Variants in LAYN observed in about 807,000 individuals in gnomAD.
LAYN encodes the protein layilin.
In LAYN, 38 loss-of-function variants were observed where a neutral mutation model predicts 43.6. The observed-to-expected ratio is 0.87, with a 90% CI of 0.67 to 1.14. The LOEUF (loss-of-function observed/expected upper bound fraction) is 1.14, where lower values mean the gene tolerates loss of function less well. LAYN is among the 50% of genes most tolerant of loss of function. The probability of loss-of-function intolerance (pLI) is 0.00; values close to 1 mark genes in which losing one functional copy is unlikely to be tolerated. For synonymous variants in LAYN, 168 were observed against 172.9 expected, an observed-to-expected ratio of 0.97 and a Z score of 0.22; for missense variants, 479 against 463.8, an observed-to-expected ratio of 1.03 and a Z score of -0.30.
At chr11:111,540,465 C>T (rs931576111), upstream of LAYN, 30 of 306,442 alleles carry the variant, frequency 9.8e-5, no homozygotes, top group Admixed American at 5.6e-5. Flanking sequence ...ATCAGATTGC[C>T]TAGGGGCCCG....
chr11:111,541,244 C>T (rs1178108409), intron 1 of LAYN: 1 of 590,914 alleles, frequency 1.7e-6, no homozygotes, highest in Non-Finnish European at 3.0e-6. Flanking sequence ...CAGTGGGTGC[C>T]CCTTCGGCCC....
chr11:111,540,984 G>T (rs1867525378), intron 1 of LAYN, 56 bp downstream of exon 1: 2 of 1,475,746 alleles, frequency 1.4e-6, no homozygotes, highest in Admixed American at 2.0e-5. Context: ...CTGCACCCCA[G>T]CTGCTGCTGA....
intron 2 of LAYN, among the ~76,000 whole-genome samples, chr11:111,545,055 A>AATATATATATATATATAT (rs36063658): frequency 1.2e-5 from 1 of 82,466 alleles, no homozygotes; most frequent in African/African-American, 3.2e-5. Context: ...AAATTTAACA[A>AATATATATATATATATAT]ATATATATAT....
At chr11:111,556,490 C>T (rs572471975) in intron 5 of LAYN, among the ~76,000 whole-genome samples, 1 of 152,184 alleles carries the variant, frequency 6.6e-6, no homozygotes, top group African/African-American at 2.4e-5. Flanking sequence ...CTTATAAACC[C>T]TCTTATGGTC....
intron 1 of LAYN, among the ~76,000 whole-genome samples, chr11:111,543,209 G>A (rs1867579894): frequency 1.3e-5 from 2 of 152,146 alleles, no homozygotes; most frequent in African/African-American, 2.4e-5. Flanking sequence ...ACTTCCCTGA[G>A]CTCCAGTTTT....
chr11:111,558,498 G>T (rs943551476), intron 6 of LAYN, among the ~76,000 whole-genome samples: 1 of 151,972 alleles, frequency 6.6e-6, no homozygotes, highest in Non-Finnish European at 1.5e-5. Flanking sequence ...CTATTATTGG[G>T]ATTATTTTAT....
At chr11:111,540,982 CA>C (rs1867525322) in intron 1 of LAYN, 54 bp downstream of exon 1, 2 of 1,477,372 alleles carry the variant, frequency 1.4e-6, no homozygotes, top group Admixed American at 2.0e-5. Flanking sequence ...CACTGCACCC[CA>C]GCTGCTGCTG....
intron 2 of LAYN, among the ~76,000 whole-genome samples, chr11:111,547,027 G>T (rs1220763779): frequency 6.6e-6 from 1 of 152,158 alleles, no homozygotes; most frequent in African/African-American, 2.4e-5. Context: ...CCACTTCAGA[G>T]TTCTTTTCTG....
At chr11:111,551,796 G>C (rs1289037097) in intron 3 of LAYN, among the ~76,000 whole-genome samples, 2 of 152,078 alleles carry the variant, frequency 1.3e-5, no homozygotes, top group Non-Finnish European at 2.9e-5. Flanking sequence ...TCCTATAAAT[G>C]GCATTATTAG....
chr11:111,540,897 G>A lies in LAYN; in HGVS notation c.54G>A (p.Gly18=), dbSNP rs1184719147. 1.8e-5 allele frequency: 28 copies of A among 1,532,286 alleles called. No homozygotes were observed. Among genetic ancestry groups the A allele is most frequent in the Admixed American group, 3.9e-5 (2 of 50,870 alleles). 94.9% of individuals were successfully genotyped at this position (1,532,286 alleles called of 1,614,324 possible). The change falls in exon 1 of 7, where the codon GGG becomes GGA. Residue 18 remains glycine, a synonymous_variant. Coordinates refer to ENST00000375614, the MANE Select transcript of LAYN (RefSeq NM_178834.5). ...QAVLLAVLLV[G]LRAATGRLLS... ...TGCTGCTGGCCGTGCTGCTGGTGGGGCTGCGGGCCGCGACGGGTCGCCTGC... is the reference window on the plus strand; with the variant it reads ...TGCTGCTGGCCGTGCTGCTGGTGGGACTGCGGGCCGCGACGGGTCGCCTGC...
At chr11:111,548,087 A>G (rs1867678102) in intron 2 of LAYN, among the ~76,000 whole-genome samples, 1 of 152,178 alleles carries the variant, frequency 6.6e-6, no homozygotes, top group Non-Finnish European at 1.5e-5. Context: ...CCAGACCTCT[A>G]CTTAATACCT....
rs1300409798 is a variant in LAYN, at chr11:111,560,334, G to A, written c.1001G>A (p.Gly334Glu). The change falls in exon 7 of 7, where the codon GGG becomes GAG. Residue 334 changes from glycine to glutamate, a missense_variant. Physicochemically the swap from Gly to Glu is moderately conservative, Grantham distance 98 (BLOSUM62 -2). Coordinates refer to ENST00000375614, the MANE Select transcript of LAYN (RefSeq NM_178834.5). ...ATGGCTGTGAACCCATCAGAAAGTG[G>A]GTTTGTGACTCTGGTGAGCGTGGAG... ...DNMAVNPSES[G>E]FVTLVSVESG... 2.5e-6 allele frequency: 4 copies of A among 1,614,082 alleles called. No individual in the cohort carries two copies. In the East Asian group the frequency reaches 8.9e-5, roughly 36 times the overall value.
intron 3 of LAYN, chr11:111,551,246 C>A: frequency 2.3e-6 from 1 of 435,808 alleles, no homozygotes; most frequent in Non-Finnish European, 4.6e-6. Flanking sequence ...ACCATGCTGA[C>A]GTGGGATGGG....
rs773532897 is a variant in LAYN at position 111,543,998 on chromosome 11, T to G, written c.161T>G (p.Leu54Arg). ...TACTTCCATGATACTTCTCGAAGAC[T>G]GAACTTTGAGGAAGCCAAAGAAGCC... is the stretch of plus-strand genomic sequence containing the variant. Reference protein sequence around the residue: ...VIYFHDTSRRLNFEEAKEACR... With the variant: ...VIYFHDTSRRRNFEEAKEACR... Residue 54 changes from leucine to arginine, a missense_variant, in exon 2 of 7, where the codon CTG (leucine) becomes CGG (arginine). By Grantham distance (102) the Leu-to-Arg change is moderately radical. Coordinates refer to ENST00000375614, the MANE Select transcript of LAYN (RefSeq NM_178834.5). 1.4e-5 allele frequency: 23 copies of G among 1,614,088 alleles called. No homozygotes were observed. The South Asian group carries it at 2.2e-4, about 15-fold the overall frequency.
At chr11:111,545,036 AC>A (rs916954675) in intron 2 of LAYN, among the ~76,000 whole-genome samples, 41 of 145,190 alleles carry the variant, frequency 2.8e-4, no homozygotes, top group South Asian at 4.3e-4. Flanking sequence ...CCTACTATGT[AC>A]CCCCCCAAAA....
At chr11:111,552,058 G>A (rs552774758) in intron 3 of LAYN, among the ~76,000 whole-genome samples, 10 of 151,960 alleles carry the variant, frequency 6.6e-5, no homozygotes, top group East Asian at 5.8e-4. Context: ...ACACATAAAC[G>A]TGTGTATGTG....
chr11:111,557,427 AT>A, intron 5 of LAYN, 113 bp from the exon 6 acceptor site: 1 of 791,732 alleles, frequency 1.3e-6, no homozygotes, highest in South Asian at 1.6e-5. Flanking sequence ...ATTTTAATAG[AT>A]TTGGGGGTAC....
intron 2 of LAYN, among the ~76,000 whole-genome samples, chr11:111,547,192 G>T (rs566568964): frequency 1.3e-5 from 2 of 152,322 alleles, no homozygotes; most frequent in African/African-American, 4.8e-5. Context: ...GCAATAGTTT[G>T]TTCTTCAATT....
At chr11:111,551,479 T>G (rs974569481) in intron 3 of LAYN, 1 of 454,766 alleles carries the variant, frequency 2.2e-6, no homozygotes, top group African/African-American at 2.0e-5. Context: ...TGCCTGTTTT[T>G]GGCCACCCAT....
Sources: gnomAD v4.1 joint callset for allele counts (sites outside exome capture counted in the v4.1 genomes callset) on GRCh38, gnomAD v4.1.1 for gene constraint, MANE v1.5 for transcripts, NCBI Gene and HGNC (gene_info 2026-07-23, HGNC 2026-07-21) for gene names.